Variants in FRMD3 observed in about 807,000 individuals in gnomAD.
FRMD3 encodes the protein FERM domain containing 3.
In FRMD3, 33 loss-of-function variants were observed where a neutral mutation model predicts 70.2. The ratio of observed to expected loss-of-function variants is 0.47; its 90% CI spans 0.36 to 0.63. FRMD3 has a LOEUF of 0.63. Among genes scored for constraint, FRMD3 ranks in the 20% least tolerant of loss-of-function variants. The pLI, the probability that FRMD3 is intolerant of heterozygous loss-of-function variation, is 0.00. For missense variants in FRMD3, 632 were observed against 711.4 expected (o/e 0.89, Z 1.27); for synonymous variants, 279 against 255.9 (o/e 1.09, Z -0.86).
At position 83,301,151 on chromosome 9, in the gene FRMD3, G is replaced by T. The variant is rs373799960; in HGVS notation, c.927-1965C>A. Among the ~76,000 whole-genome samples, 18 of 152,260 alleles carry T rather than the reference G, an allele frequency of 1.2e-4. No homozygotes were observed. The South Asian group carries it at 3.3e-3, about 28-fold the overall frequency. On this transcript the variant is annotated intron_variant, in intron 10 of 13. Coordinates refer to ENST00000304195, the MANE Select transcript of FRMD3 (RefSeq NM_174938.6). ...ACGTGAGAGCCATGGCCCTGGGGGGGGCCCTGCAGTGTGCTGGCTGGAGCT... is the reference window on the plus strand; with the variant it reads ...ACGTGAGAGCCATGGCCCTGGGGGGTGCCCTGCAGTGTGCTGGCTGGAGCT...
At chr9:83,447,606 G>A (rs138712629) in intron 1 of FRMD3, among the ~76,000 whole-genome samples, 2,277 of 152,294 alleles carry the variant, frequency 0.015, 62 homozygotes, top group African/African-American at 0.052. Flanking sequence ...CCCGGCCACC[G>A]ATGACAGCCT....
At chr9:83,280,325 C>T (rs1833930950) in intron 13 of FRMD3, among the ~76,000 whole-genome samples, 1 of 152,220 alleles carries the variant, frequency 6.6e-6, no homozygotes, top group Admixed American at 6.5e-5. Flanking sequence ...TCGGTGTCCA[C>T]TCAAGTGCAG....
intron 1 of FRMD3, among the ~76,000 whole-genome samples, chr9:83,427,894 T>C (rs1419897532): frequency 1.3e-5 from 2 of 152,166 alleles, no homozygotes; most frequent in Non-Finnish European, 2.9e-5. Flanking sequence ...GTCTGACATT[T>C]CCAAGGTTTG....
At chr9:83,461,988 G>A (rs1269177839) in intron 1 of FRMD3, among the ~76,000 whole-genome samples, 2 of 152,030 alleles carry the variant, frequency 1.3e-5, no homozygotes, top group Non-Finnish European at 2.9e-5. Context: ...ATGCCTGGCA[G>A]CAATTTCTCA....
chr9:83,313,515 C>A, intron 7 of FRMD3, 145 bp downstream of exon 7: 1 of 640,058 alleles, frequency 1.6e-6, no homozygotes, highest in South Asian at 2.1e-5. Context: ...CATGTAACAG[C>A]AGCCCACTGT....
chr9:83,310,710 A>G (rs780665736), intron 8 of FRMD3, among the ~76,000 whole-genome samples, 162 bp from the exon 9 acceptor site: 53 of 152,212 alleles, frequency 3.5e-4, no homozygotes, highest in Non-Finnish European at 5.3e-4. Context: ...CCTCGAGTGA[A>G]TTATACAGCA....
intron 2 of FRMD3, among the ~76,000 whole-genome samples, chr9:83,387,089 T>A (rs1825533755): frequency 6.6e-6 from 1 of 152,142 alleles, no homozygotes; most frequent in Non-Finnish European, 1.5e-5. Context: ...ATAAAAAAAA[T>A]GCCTTGGAAA....
Position 83,246,042 on chromosome 9 carries a change from C to T in FRMD3, c.*1876G>A, listed in dbSNP as rs1354790074. The T allele has an allele frequency of 4.1e-6, 4 of 985,202 alleles. No individual in the cohort carries two copies. The highest frequency in any genetic ancestry group is 1.1e-4 in the East Asian group (1 of 8,814). The allele number at this position is 985,202 out of a possible 1,614,324, so 61.0% of individuals were successfully genotyped here. A position where few individuals can be genotyped will look rare whatever the true frequency, so the allele number is the denominator to read the frequency against. ...AATGGCAAATATATAGTCATTTGCT[C>T]GACTGCAGGCTTCACGAACTGAGTT... On this transcript the variant is annotated 3_prime_UTR_variant, in exon 14 of 14. Transcript: ENST00000304195.
At chr9:83,407,924 C>T (rs959461171) in intron 1 of FRMD3, among the ~76,000 whole-genome samples, 2 of 102,276 alleles carry the variant, frequency 2.0e-5, no homozygotes, top group Non-Finnish European at 4.2e-5. Context: ...TCTCCCTCCC[C>T]TTTCTCTTTC....
the FRMD3 span, among the ~76,000 whole-genome samples, chr9:83,569,475 G>C: frequency 6.6e-6 from 1 of 152,232 alleles, no homozygotes; most frequent in Non-Finnish European, 1.5e-5. Flanking sequence ...CACAGAAACG[G>C]GGACTTGCCA....
intron 1 of FRMD3, among the ~76,000 whole-genome samples, chr9:83,463,662 T>C (rs1327747119): frequency 6.6e-6 from 1 of 152,174 alleles, no homozygotes; most frequent in South Asian, 2.1e-4. Context: ...TCAGTAATAA[T>C]AATAACCATT....
chr9:83,477,245 C>T (rs1489773625), intron 1 of FRMD3, among the ~76,000 whole-genome samples: 1 of 152,116 alleles, frequency 6.6e-6, no homozygotes, highest in East Asian at 1.9e-4. Flanking sequence ...GACAACTAGG[C>T]CAAGAAAGCC....
chr9:83,357,405 C>T (rs954193137), intron 3 of FRMD3, among the ~76,000 whole-genome samples: 1 of 150,190 alleles, frequency 6.7e-6, no homozygotes, highest in East Asian at 2.0e-4. Flanking sequence ...GTATCTCTTT[C>T]GTATAATGAC....
chr9:83,517,600 C>A (rs1413624429), intron 1 of FRMD3, among the ~76,000 whole-genome samples: 2 of 149,476 alleles, frequency 1.3e-5, no homozygotes, highest in African/African-American at 4.9e-5. Context: ...AAAACTATTA[C>A]AAGCAATAAA....
chr9:83,526,637 A>G (rs1829688812), intron 1 of FRMD3, among the ~76,000 whole-genome samples: 1 of 152,152 alleles, frequency 6.6e-6, no homozygotes, highest in Admixed American at 6.5e-5. Flanking sequence ...CTCTACATCC[A>G]TCATTTCATC....
chr9:83,283,508 G>T (rs1472513955), intron 13 of FRMD3, among the ~76,000 whole-genome samples: 1 of 147,652 alleles, frequency 6.8e-6, no homozygotes, highest in Non-Finnish European at 1.5e-5. Context: ...TCCAGCCTGG[G>T]CGACAGAGCG....
At chr9:83,568,181 C>G in the FRMD3 span, among the ~76,000 whole-genome samples, 4 of 152,080 alleles carry the variant, frequency 2.6e-5, no homozygotes, top group African/African-American at 9.7e-5. Context: ...CCTGATAAAC[C>G]CACCAGATCT....
At chr9:83,556,873 G>A in the FRMD3 span, among the ~76,000 whole-genome samples, 2 of 151,600 alleles carry the variant, frequency 1.3e-5, no homozygotes, top group Non-Finnish European at 2.9e-5. Context: ...AAAAATTAAA[G>A]TTTCAATAAT....
At chr9:83,580,394 G>GATA in the FRMD3 span, among the ~76,000 whole-genome samples, 1 of 151,938 alleles carries the variant, frequency 6.6e-6, no homozygotes, top group African/African-American at 2.4e-5. Context: ...AATGAATAAA[G>GATA]ATAATGTATG....
Sources: allele counts gnomAD v4.1 joint callset (sites outside exome capture counted in the v4.1 genomes callset), GRCh38; gene constraint gnomAD v4.1.1; transcripts MANE v1.5; gene names NCBI Gene and HGNC (gene_info 2026-07-23, HGNC 2026-07-21).